The following GPHN variants were observed in gnomAD, a reference collection of about 807,000 sequenced individuals.
GPHN encodes gephyrin.
Under a neutral mutation model 95.5 loss-of-function variants are expected in GPHN, and 17 were observed. That is an observed-to-expected ratio of 0.18 (90% CI 0.12 to 0.27). GPHN has a LOEUF of 0.27. Ranked by LOEUF, GPHN falls within the 10% of genes least tolerant of loss-of-function variation. GPHN has a pLI of 1.00. For missense variants in GPHN, 660 were observed against 978.1 expected, an observed-to-expected ratio of 0.67 and a Z score of 4.34; for synonymous variants, 320 against 322.5, an observed-to-expected ratio of 0.99 and a Z score of 0.08.
the GPHN span, among the ~76,000 whole-genome samples, chr14:67,370,781 T>C: frequency 2.8e-4 from 42 of 152,178 alleles, no homozygotes; most frequent in Non-Finnish European, 5.6e-4. Context: ...ATTCCAGCAC[T>C]TTGGGAGGTT....
At chr14:66,649,306 C>T (rs1175526149) in intron 1 of GPHN, among the ~76,000 whole-genome samples, 5 of 151,924 alleles carry the variant, frequency 3.3e-5, no homozygotes, top group African/African-American at 9.7e-5. Context: ...TGCACTCCAA[C>T]CTGAGCAACA....
At chr14:67,294,892 T>TTGATCTCCTGACCTCGTGATCC in the GPHN span, 1 of 152,142 alleles carries the variant, frequency 6.6e-6, no homozygotes, top group African/African-American at 2.4e-5. Flanking sequence ...CAGGATGGTC[T>TTGATCTCCTGACCTCGTGATCC]TGATCTCCTG....
At chr14:67,086,990 A>G (rs1247077389) in intron 11 of GPHN, among the ~76,000 whole-genome samples, 1 of 146,454 alleles carries the variant, frequency 6.8e-6, no homozygotes, top group Non-Finnish European at 1.5e-5. Context: ...GTGAGCCGAG[A>G]TCCCACCACT....
At chr14:67,449,269 G>A in the GPHN span, among the ~76,000 whole-genome samples, 4 of 152,214 alleles carry the variant, frequency 2.6e-5, no homozygotes, top group South Asian at 2.1e-4. Flanking sequence ...AACTGCAGCC[G>A]AGGCCAAATG....
chr14:67,204,731 C>T, the GPHN span: 30 of 1,613,780 alleles, frequency 1.9e-5, no homozygotes, highest in African/African-American at 9.3e-5. Context: ...TCCAAAGTGT[C>T]GGAGGTTTCA....
At chr14:66,553,824 C>G (rs964812617) in intron 1 of GPHN, among the ~76,000 whole-genome samples, 1 of 152,136 alleles carries the variant, frequency 6.6e-6, no homozygotes, top group Admixed American at 6.5e-5. Context: ...ATCCTCCTGC[C>G]TCGGCTTCCC....
the GPHN span, among the ~76,000 whole-genome samples, chr14:67,321,583 G>C: frequency 3.9e-5 from 6 of 152,292 alleles, no homozygotes; most frequent in African/African-American, 1.4e-4. Context: ...ATAGACCCAA[G>C]TCTGAAATTA....
At chr14:67,710,691 A>T in the GPHN span, among the ~76,000 whole-genome samples, 1 of 151,902 alleles carries the variant, frequency 6.6e-6, no homozygotes, top group Non-Finnish European at 1.5e-5. Flanking sequence ...GCTTTGAATT[A>T]GACAAAAATT....
At position 67,060,972 on chromosome 14, in the gene GPHN, C is replaced by T. The variant is rs569372078; in HGVS notation, c.1144+2186C>T. On this transcript the variant is annotated intron_variant, in intron 11 of 22. Transcript: ENST00000478722. Reference sequence around the variant, plus strand: ...TATTTTGTCGACAATACTTGTTTTTCTACATCCTCTTAAAACTGTCCCTTG... The same window carrying T: ...TATTTTGTCGACAATACTTGTTTTTTTACATCCTCTTAAAACTGTCCCTTG... Among the ~76,000 whole-genome samples the T allele has an allele frequency of 7.9e-5, 12 of 152,298 alleles. 2 individuals carry two copies. Among genetic ancestry groups the T allele is most frequent in the African/African-American group, 2.9e-4 (12 of 41,574 alleles).
At chr14:67,284,433 A>AAAAAAAAAAC in the GPHN span, among the ~76,000 whole-genome samples, 4 of 148,158 alleles carry the variant, frequency 2.7e-5, 1 homozygote, top group East Asian at 7.8e-4. Flanking sequence ...ATCTCTTAAA[A>AAAAAAAAAAC]AAAAAAAAAA....
the GPHN span, among the ~76,000 whole-genome samples, chr14:67,604,416 C>T: frequency 2.6e-5 from 4 of 152,114 alleles, no homozygotes; most frequent in Admixed American, 2.0e-4. Context: ...GCCTGTCTTG[C>T]GGGCATGGTG....
the GPHN span, among the ~76,000 whole-genome samples, chr14:67,206,834 G>A: frequency 1.7e-4 from 26 of 151,962 alleles, no homozygotes; most frequent in East Asian, 2.7e-3. Context: ...AGGTTCAAGC[G>A]ATTCTTATGC....
intron 4 of GPHN, among the ~76,000 whole-genome samples, chr14:66,833,490 A>T (rs945502872): frequency 6.6e-6 from 1 of 152,140 alleles, no homozygotes; most frequent in African/African-American, 2.4e-5. Flanking sequence ...TTATTCAGAG[A>T]TTCCTTGGAA....
the GPHN span, among the ~76,000 whole-genome samples, chr14:67,348,591 G>A: frequency 6.6e-6 from 1 of 151,876 alleles, no homozygotes; most frequent in South Asian, 2.1e-4. Context: ...GTGCAATCTC[G>A]GCTCACTGGA....
chr14:67,203,284 T>G, the GPHN span: 9 of 1,585,614 alleles, frequency 5.7e-6, no homozygotes, highest in Non-Finnish European at 7.7e-6. Context: ...GAGAAACTAG[T>G]GCTCACCAGG....
chr14:66,897,567 A>G (rs2064918138), intron 5 of GPHN, among the ~76,000 whole-genome samples: 1 of 152,122 alleles, frequency 6.6e-6, no homozygotes, highest in African/African-American at 2.4e-5. Context: ...AAGAATGAAT[A>G]TAATTAGAAC....
At chr14:67,474,258 A>C in the GPHN span, among the ~76,000 whole-genome samples, 1 of 109,008 alleles carries the variant, frequency 9.2e-6, no homozygotes, top group East Asian at 2.2e-4. Flanking sequence ...TCTCCAAAAA[A>C]ACAAAACAAA....
chr14:66,833,108 A>G (rs2061642697), intron 4 of GPHN, among the ~76,000 whole-genome samples: 1 of 152,224 alleles, frequency 6.6e-6, no homozygotes, highest in Non-Finnish European at 1.5e-5. Flanking sequence ...CTGTTCTCAC[A>G]TCGCTAATAA....
intron 1 of GPHN, among the ~76,000 whole-genome samples, chr14:66,574,428 T>G (rs562901786): frequency 2.0e-5 from 3 of 152,358 alleles, no homozygotes; most frequent in Non-Finnish European, 4.4e-5. Context: ...TAAAAGTGAT[T>G]TATGTACCGC....
Sources: gnomAD v4.1 joint callset for allele counts (sites outside exome capture counted in the v4.1 genomes callset) on GRCh38, gnomAD v4.1.1 for gene constraint, MANE v1.5 for transcripts, NCBI Gene and HGNC (gene_info 2026-07-23, HGNC 2026-07-21) for gene names.